The following ZBTB20 variants were observed in gnomAD, a reference collection of about 807,000 sequenced individuals.
The protein encoded by ZBTB20 is zinc finger and BTB domain-containing protein 20.
In ZBTB20, 9 loss-of-function variants were observed where a neutral mutation model predicts 56.9. The observed-to-expected ratio is 0.16, with a 90% confidence interval of 0.10 to 0.28. ZBTB20 has a LOEUF of 0.28. ZBTB20 is among the 10% of genes least tolerant of loss of function. The pLI is 1.00. For synonymous variants in ZBTB20, 417 were observed against 420.7 expected (o/e 0.99, Z 0.11); for missense variants, 655 against 1,003.0 (o/e 0.65, Z 4.69).
chr3:114,546,568 T>G (rs894826918), intron 6 of ZBTB20, among the ~76,000 whole-genome samples: 1 of 152,012 alleles, frequency 6.6e-6, no homozygotes, highest in Non-Finnish European at 1.5e-5. Context: ...CTTTTTTTTT[T>G]TTTTTTAATC....
At chr3:114,952,856 T>C (rs1241144864) in intron 3 of ZBTB20, among the ~76,000 whole-genome samples, 6 of 151,854 alleles carry the variant, frequency 4.0e-5, no homozygotes, top group Admixed American at 3.3e-4. Context: ...AAGGAAGCTC[T>C]CCAGACAGAA....
intron 4 of ZBTB20, among the ~76,000 whole-genome samples, chr3:114,885,387 C>G (rs2076563324): frequency 6.6e-6 from 1 of 152,148 alleles, no homozygotes. Context: ...CTCCGGATTA[C>G]CAGCCATTCT....
chr3:114,832,280 A>AT (rs753658383), intron 4 of ZBTB20, among the ~76,000 whole-genome samples: 6 of 151,904 alleles, frequency 3.9e-5, no homozygotes, highest in African/African-American at 9.6e-5. Context: ...TACAACAGTC[A>AT]TTTTTTTTCA....
intron 6 of ZBTB20, among the ~76,000 whole-genome samples, chr3:114,515,075 C>T (rs2045833705): frequency 6.6e-6 from 1 of 152,168 alleles, no homozygotes; most frequent in Non-Finnish European, 1.5e-5. Context: ...GTTCTTGAAT[C>T]CAGTCTATGC....
chr3:114,766,348 CCCATATTTAAA>C lies in ZBTB20; in HGVS notation c.-343+34742_-343+34752del, dbSNP rs548619429. Among the ~76,000 whole-genome samples the C allele has an allele frequency of 4.7e-3, 715 of 152,170 alleles. 3 individuals carry two copies. The highest frequency in any genetic ancestry group is 0.016 in the African/African-American group (677 of 41,530). Reference sequence around the variant, plus strand: ...AAGAAAGACAAGAAACAGTAACATTCCCATATTTAAACAAGAAGTTGAAAACATCTAGTGCA... The same window carrying C: ...AAGAAAGACAAGAAACAGTAACATTCCAAGAAGTTGAAAACATCTAGTGCA... On this transcript the variant is annotated intron_variant, in intron 5 of 11. Coordinates refer to ENST00000675478, the MANE Select transcript of ZBTB20 (RefSeq NM_001348800.3).
intron 1 of ZBTB20, among the ~76,000 whole-genome samples, chr3:115,074,319 G>C (rs2082518196): frequency 1.3e-5 from 2 of 152,108 alleles, no homozygotes; most frequent in East Asian, 3.8e-4. Flanking sequence ...TGCCTGATAG[G>C]TTCCAGACTC....
At position 114,352,523 on chromosome 3, in the gene ZBTB20, G is replaced by A. The variant is rs115031833; in HGVS notation, c.200-645C>T. On this transcript the variant is annotated intron_variant, in intron 10 of 11. Coordinates refer to ENST00000675478, the MANE Select transcript of ZBTB20 (RefSeq NM_001348800.3). ...CCAAACAGTCATGATCATGCTTTCC[G>A]GATGATGGATGGGCTACAGAAAGCA... Among the ~76,000 whole-genome samples, 993 of 152,264 alleles carry A rather than the reference G, an allele frequency of 6.5e-3. 5 individuals carry two copies. Among genetic ancestry groups the A allele is most frequent in the African/African-American group, 0.022 (928 of 41,520 alleles).
In ZBTB20 at chr3:115,141,953, T is replaced by C. The variant is rs564927445; in HGVS notation, c.-703+5266A>G. On this transcript the variant is annotated intron_variant, in intron 1 of 11. Coordinates refer to ENST00000675478, the MANE Select transcript of ZBTB20 (RefSeq NM_001348800.3). Reference sequence around the variant, plus strand: ...ATACCTTCTTGAAACTCAACTATCTTAGGTGGATATAAGGTTCCATGAACT... The same window carrying C: ...ATACCTTCTTGAAACTCAACTATCTCAGGTGGATATAAGGTTCCATGAACT... Among the ~76,000 whole-genome samples the C allele has an allele frequency of 6.6e-5, 10 of 152,336 alleles. 1 individual carries two copies. In the South Asian group the frequency reaches 1.9e-3, roughly 28 times the overall value.
intron 7 of ZBTB20, among the ~76,000 whole-genome samples, chr3:114,390,410 TG>T (rs1445866132): frequency 6.6e-6 from 1 of 152,238 alleles, no homozygotes; most frequent in Admixed American, 6.5e-5. Flanking sequence ...GATCTGGGCA[TG>T]TTCTGAGCAT....
At chr3:114,799,354 A>C (rs1428215489) in intron 5 of ZBTB20, among the ~76,000 whole-genome samples, 1 of 151,896 alleles carries the variant, frequency 6.6e-6, no homozygotes, top group East Asian at 1.9e-4. Flanking sequence ...GTCAATTCTC[A>C]CTTTGGTCAG....
intron 7 of ZBTB20, among the ~76,000 whole-genome samples, chr3:114,491,839 TCTTCA>T (rs900653487): frequency 2.2e-4 from 34 of 152,208 alleles, no homozygotes; most frequent in African/African-American, 7.5e-4. Flanking sequence ...ATTTGCTGTT[TCTTCA>T]CTTCTCATTC....
chr3:115,064,847 T>C (rs1456158479), intron 2 of ZBTB20, among the ~76,000 whole-genome samples: 2 of 152,202 alleles, frequency 1.3e-5, no homozygotes, highest in South Asian at 4.1e-4. Context: ...GTATGAGGCC[T>C]ATATTTCTCT....
rs558920928 is a variant in ZBTB20 at position 114,351,853 on chromosome 3, G to A, written c.225C>T (p.Thr75=). Residue 75 remains threonine (T), a synonymous_variant, in exon 11 of 12, where the codon ACC becomes ACT. Coordinates refer to ENST00000675478, the MANE Select transcript of ZBTB20 (RefSeq NM_001348800.3). ...SDCDISCKGM[T]ERIHSINLHN... is the part of the protein sequence containing the mutation. The stretch of plus-strand genomic sequence containing the variant: ...GAAGGTTGATGCTGTGAATGCGCTC[G>A]GTCATCCCCTTGCAACTGATGTCAC... The A allele has an allele frequency of 2.5e-6, 4 of 1,597,628 alleles. No homozygotes were observed. The highest frequency in any genetic ancestry group is 2.3e-5 in the East Asian group (1 of 44,442).
At chr3:115,106,458 C>T (rs2083727434) in intron 1 of ZBTB20, among the ~76,000 whole-genome samples, 1 of 150,722 alleles carries the variant, frequency 6.6e-6, no homozygotes, top group East Asian at 2.0e-4. Context: ...TGGTCTCGAT[C>T]TCCTGACCTT....
At chr3:114,866,724 T>C (rs78079477) in intron 4 of ZBTB20, among the ~76,000 whole-genome samples, 14 of 152,264 alleles carry the variant, frequency 9.2e-5, no homozygotes, top group South Asian at 4.1e-4. Flanking sequence ...CCTTTTTTTT[T>C]CCTGTCTTCA....
intron 10 of ZBTB20, among the ~76,000 whole-genome samples, chr3:114,375,501 T>A (rs2083507562): frequency 6.6e-6 from 1 of 152,354 alleles, no homozygotes; most frequent in East Asian, 1.9e-4. Flanking sequence ...AAAGTTGTTA[T>A]AGAGTAAAAT....
intron 7 of ZBTB20, among the ~76,000 whole-genome samples, chr3:114,491,773 G>A (rs1266879019): frequency 6.6e-6 from 1 of 152,062 alleles, no homozygotes; most frequent in East Asian, 1.9e-4. Flanking sequence ...CCCCCCTCAA[G>A]ATATTGCAGT....
At chr3:114,693,909 TAAATC>T (rs751664394) in intron 5 of ZBTB20, among the ~76,000 whole-genome samples, 17 of 152,170 alleles carry the variant, frequency 1.1e-4, no homozygotes, top group Non-Finnish European at 2.4e-4. Context: ...TTTAAAAAAA[TAAATC>T]AAACCACTGT....
chr3:114,968,578 T>C (rs2077744207), intron 3 of ZBTB20, among the ~76,000 whole-genome samples: 1 of 152,070 alleles, frequency 6.6e-6, no homozygotes, highest in African/African-American at 2.4e-5. Context: ...GGGAGCATAA[T>C]GAACTATCTG....
Sources: allele counts gnomAD v4.1 joint callset (sites outside exome capture counted in the v4.1 genomes callset), GRCh38; gene constraint gnomAD v4.1.1; transcripts MANE v1.5; gene names NCBI Gene and HGNC (gene_info 2026-07-23, HGNC 2026-07-21).